NOC4L: variants seen among roughly 807,000 people sequenced by gnomAD.
The protein encoded by NOC4L is nucleolar complex protein 4 homolog.
NOC4L carries 40 observed loss-of-function variants against 62.8 expected under a neutral mutation model. The ratio of observed to expected loss-of-function variants is 0.64; its 90% CI spans 0.49 to 0.83. NOC4L has a LOEUF of 0.83. Ranked by LOEUF, NOC4L falls within the 40% of genes least tolerant of loss-of-function variation. The pLI is 0.00. For missense variants in NOC4L, 927 were observed against 701.9 expected (o/e 1.32, Z -3.62); for synonymous variants, 433 against 299.8 (o/e 1.44, Z -4.59).
intron 10 of NOC4L, 65 bp downstream of exon 10, chr12:132,151,106 C>G: frequency 2.0e-6 from 3 of 1,489,298 alleles, no homozygotes; most frequent in Non-Finnish European, 1.9e-6. Flanking sequence ...CTGTCCCCTT[C>G]CCACCCTGCC....
chr12:132,152,044 G>T (rs780836650), intron 13 of NOC4L, 40 bp from the exon 14 acceptor site: 5 of 1,535,938 alleles, frequency 3.3e-6, no homozygotes, highest in Non-Finnish European at 4.4e-6. Context: ...ACAGGGCGGG[G>T]GCCTGGGGCA....
In NOC4L at chr12:132,145,624, C is replaced by G. The variant is rs766320330; in HGVS notation, c.304C>G (p.Arg102Gly). The stretch of plus-strand genomic sequence containing the variant: ...ACACCGCTATCACAGCTGCTGCAAT[C>G]GCTTGGGAGAGCTCCTGGGCCACCC... The part of the protein sequence containing the change: ...MRHRYHSCCN[R>G]LGELLGHPSF... The change falls in exon 3 of 15, where the codon CGC (arginine) becomes GGC (glycine). Residue 102 changes from arginine (R) to glycine (G), a missense_variant. Coordinates refer to ENST00000330579, the MANE Select transcript of NOC4L (RefSeq NM_024078.3). The G allele has an allele frequency of 6.2e-7, 1 of 1,613,574 alleles. No individual in the cohort carries two copies. The highest frequency in any genetic ancestry group is 8.5e-7 in the Non-Finnish European group (1 of 1,179,886).
Position 132,148,777 on chromosome 12 carries a change from C to A in NOC4L, c.790-7C>A. The stretch of plus-strand genomic sequence containing the variant: ...CCCCTCACCCCCACCTGCCGGCCCC[C>A]GCCCAGCTGCCCCTCAGCCTCTACA... On this transcript the variant is annotated splice_region_variant and splice_polypyrimidine_tract_variant and intron_variant, in intron 8 of 14. Coordinates refer to ENST00000330579, the MANE Select transcript of NOC4L (RefSeq NM_024078.3). 1 of 1,539,914 alleles carries A rather than the reference C, an allele frequency of 6.5e-7. No individual in the cohort carries two copies.
At position 132,147,861 on chromosome 12, in the gene NOC4L, C is replaced by T. The variant is rs773494712; in HGVS notation, c.604-19C>T. ...GGGACTGGGGGGCGGCGTCCAGGCA[C>T]TCAGGCCAGGCTCCGCAGGTGCCCC... On this transcript the variant is annotated intron_variant, in intron 5 of 14. Coordinates refer to ENST00000330579, the MANE Select transcript of NOC4L (RefSeq NM_024078.3). 8.2e-5 allele frequency: 132 copies of T among 1,609,686 alleles called. No homozygotes were observed. Among genetic ancestry groups the T allele is most frequent in the Non-Finnish European group, 1.1e-4 (131 of 1,179,672 alleles).
At position 132,152,149 on chromosome 12, in the gene NOC4L, C is replaced by T. The variant is rs146887834; in HGVS notation, c.1383C>T (p.Ser461=). ...KAASVINQAL[S]MPEVSIAPLL... is the part of the protein sequence containing the mutation. ...CCAGCGTCATCAACCAGGCCCTGTC[C>T]ATGCCTGAGGTCAGCATCGCGCCAC... The change falls in exon 14 of 15, where the codon TCC becomes TCT. Residue 461 remains serine (S), a synonymous_variant. Coordinates refer to ENST00000330579, the MANE Select transcript of NOC4L (RefSeq NM_024078.3). The T allele has an allele frequency of 6.9e-5, 111 of 1,612,458 alleles. No homozygotes were observed. In the African/African-American group the frequency reaches 1.0e-3, roughly 15 times the overall value.
In NOC4L at chr12:132,145,523, G is replaced by A. The variant is rs550476579; in HGVS notation, c.239-36G>A. On this transcript the variant is annotated intron_variant, in intron 2 of 14. Transcript: ENST00000330579. ...GCTGGGCCCAGGGTGGCGTATGTGG[G>A]CCTCACGTGGGCTGACCACCCTAAC... 11 of 1,423,110 alleles carry A rather than the reference G, an allele frequency of 7.7e-6. No individual in the cohort carries two copies. In the South Asian group the frequency reaches 1.1e-4, roughly 14 times the overall value. 88.2% of individuals were successfully genotyped at this position (1,423,110 alleles called of 1,614,324 possible). A position where few individuals can be genotyped will look rare whatever the true frequency, so the allele number is the denominator to read the frequency against.
rs759327906 is a variant in NOC4L at position 132,152,264 on chromosome 12, G to C, written c.1432-18G>C. 42 of 1,577,912 alleles carry C rather than the reference G, an allele frequency of 2.7e-5. No individual in the cohort carries two copies. The African/African-American group carries it at 4.5e-4, about 17-fold the overall frequency. ...CGCTGAGCCAAGCCTGAGAGCCGCC[G>C]TGCTTTGTGCTTTGCAGATCTTTGA... On this transcript the variant is annotated intron_variant, in intron 14 of 14. Transcript: ENST00000330579.
intron 13 of NOC4L, 109 bp downstream of exon 13, chr12:132,151,929 C>T (rs1299688613): frequency 3.1e-6 from 4 of 1,282,768 alleles, no homozygotes; most frequent in South Asian, 2.6e-5. Flanking sequence ...GCGTCCCCAG[C>T]TGGCCACCTG....
chr12:132,146,289 G>C (rs141152541), intron 3 of NOC4L: 2 of 455,982 alleles, frequency 4.4e-6, no homozygotes, highest in Non-Finnish European at 8.8e-6. Context: ...TCCACTCATC[G>C]GCGTGTTCGA....
rs775599091 is a variant in NOC4L at position 132,147,711 on chromosome 12, G to A, written c.532G>A (p.Asp178Asn). The A allele has an allele frequency of 2.3e-5, 37 of 1,612,794 alleles. No homozygotes were observed. Among genetic ancestry groups the A allele is most frequent in the Non-Finnish European group, 2.7e-5 (32 of 1,179,958 alleles). ...LSQFREYLDY[D>N]DTRYHTMQAA... ...CCAGTTCCGGGAGTACCTGGACTACGACGACACCCGCTACCACACCATGCA... is the reference window on the plus strand; with the variant it reads ...CCAGTTCCGGGAGTACCTGGACTACAACGACACCCGCTACCACACCATGCA... The change falls in exon 5 of 15, where the codon GAC becomes AAC. Residue 178 changes from aspartate (D) to asparagine (N), a missense_variant. Asp to Asn is a conservative substitution (Grantham distance 23). Transcript: ENST00000330579.
intron 13 of NOC4L, 56 bp from the exon 14 acceptor site, chr12:132,152,028 G>A: frequency 6.7e-7 from 1 of 1,498,792 alleles, no homozygotes; most frequent in Non-Finnish European, 9.0e-7. Flanking sequence ...GGCCATGGCT[G>A]GGGGCACAGG....
chr12:132,148,908 G>A lies in NOC4L; in HGVS notation c.901+13G>A, dbSNP rs1388106911. The A allele has an allele frequency of 2.4e-5, 30 of 1,237,446 alleles. No individual in the cohort carries two copies. Among genetic ancestry groups the A allele is most frequent in the Middle Eastern group, 2.1e-4 (1 of 4,664 alleles). The allele number at this position is 1,237,446 out of a possible 1,614,324, so 76.7% of individuals were successfully genotyped here. A position where few individuals can be genotyped will look rare whatever the true frequency, so the allele number is the denominator to read the frequency against. ...GCCTGCGACCTCGGTGAGTGCCGCC[G>A]CCTCGCTCACACCACACCCCTAATC... is the stretch of plus-strand genomic sequence containing the variant. On this transcript the variant is annotated intron_variant, in intron 9 of 14. Transcript: ENST00000330579.
chr12:132,147,720 C>T lies in NOC4L; in HGVS notation c.541C>T (p.Arg181Cys), dbSNP rs369215601. ...GGAGTACCTGGACTACGACGACACC[C>T]GCTACCACACCATGCAGGCAGCCGT... ...FREYLDYDDT[R>C]YHTMQAAVDA... Residue 181 changes from arginine to cysteine, a missense_variant, in exon 5 of 15, where the codon CGC (arginine) becomes TGC (cysteine). Coordinates refer to ENST00000330579, the MANE Select transcript of NOC4L (RefSeq NM_024078.3). The T allele has an allele frequency of 3.2e-5, 51 of 1,612,778 alleles. No individual in the cohort carries two copies. Among genetic ancestry groups the T allele is most frequent in the Middle Eastern group, 1.6e-4 (1 of 6,084 alleles).
In NOC4L at chr12:132,144,481, G is replaced by C. The variant is rs1897628112; in HGVS notation, c.-8G>C. The stretch of plus-strand genomic sequence containing the variant: ...TGAGAATCCGCGTTGTTCCGTGTTG[G>C]GGGCGGCATGGAGCGGGAGCCGGGC... On this transcript the variant is annotated 5_prime_UTR_variant, in exon 1 of 15. Coordinates refer to ENST00000330579, the MANE Select transcript of NOC4L (RefSeq NM_024078.3). The C allele has an allele frequency of 4.6e-6, 7 of 1,519,872 alleles. No homozygotes were observed. Among genetic ancestry groups the C allele is most frequent in the Non-Finnish European group, 6.1e-6 (7 of 1,147,108 alleles). 94.1% of individuals were successfully genotyped at this position (1,519,872 alleles called of 1,614,324 possible).
At position 132,148,098 on chromosome 12, in the gene NOC4L, C is replaced by T. The variant is rs1672429248; in HGVS notation, c.730C>T (p.His244Tyr). The change falls in exon 7 of 15, where the codon CAC (histidine) becomes TAC (tyrosine). Residue 244 changes from histidine (H) to tyrosine (Y), a missense_variant. Coordinates refer to ENST00000330579, the MANE Select transcript of NOC4L (RefSeq NM_024078.3). ...GCTGTGGGACACCTGGAAGGTTGCT[C>T]ACCTGAAGGTGAGTTGCTTCTGGAG... ...AELWDTWKVA[H>Y]LKEHRRVFQA... 16 of 1,613,426 alleles carry T rather than the reference C, an allele frequency of 9.9e-6. No individual in the cohort carries two copies. Among genetic ancestry groups the T allele is most frequent in the Non-Finnish European group, 1.4e-5 (16 of 1,179,974 alleles).
chr12:132,145,720 G>A, intron 3 of NOC4L, 55 bp downstream of exon 3: 2 of 1,275,714 alleles, frequency 1.6e-6, no homozygotes, highest in Non-Finnish European at 2.3e-6. Flanking sequence ...CAACTCCCAG[G>A]TTATCCACAA....
chr12:132,148,721 T>TC, intron 8 of NOC4L, 62 bp downstream of exon 8: 1 of 1,300,096 alleles, frequency 7.7e-7, no homozygotes, highest in Non-Finnish European at 1.0e-6. Flanking sequence ...GGCGGAGGCC[T>TC]CACCCCGACC....
Position 132,144,466 on chromosome 12 carries a change from C to A in NOC4L, c.-23C>A, listed in dbSNP as rs534111025. On this transcript the variant is annotated 5_prime_UTR_variant, in exon 1 of 15. Transcript: ENST00000330579. ...GGGAGCGCCGGCGGCTGAGAATCCG[C>A]GTTGTTCCGTGTTGGGGGCGGCATG... is the stretch of plus-strand genomic sequence containing the variant. The A allele has an allele frequency of 6.5e-5, 97 of 1,502,350 alleles. No homozygotes were observed. The highest frequency in any genetic ancestry group is 8.3e-5 in the Non-Finnish European group (95 of 1,139,058). The allele number at this position is 1,502,350 out of a possible 1,614,324, so 93.1% of individuals were successfully genotyped here. A position where few individuals can be genotyped will look rare whatever the true frequency, so the allele number is the denominator to read the frequency against.
chr12:132,146,732 G>T (rs1018863171), intron 3 of NOC4L, among the ~76,000 whole-genome samples: 9 of 152,168 alleles, frequency 5.9e-5, no homozygotes, highest in South Asian at 2.1e-4. Flanking sequence ...TCAACACGGG[G>T]TCTAAGTTTG....
Sources: allele counts gnomAD v4.1 joint callset (sites outside exome capture counted in the v4.1 genomes callset), GRCh38; gene constraint gnomAD v4.1.1; transcripts MANE v1.5; gene names NCBI Gene and HGNC (gene_info 2026-07-23, HGNC 2026-07-21).